Variants in TLN2 observed in about 807,000 individuals in gnomAD.
TLN2 encodes talin 2.
Under a neutral mutation model 294.7 loss-of-function variants are expected in TLN2, and 118 were observed. The ratio of observed to expected loss-of-function variants is 0.40; its 90% CI spans 0.34 to 0.47. The LOEUF (loss-of-function observed/expected upper bound fraction) is 0.47, where lower values mean the gene tolerates loss of function less well. TLN2 is among the 20% of genes least tolerant of loss of function. The pLI is 0.84. For missense variants in TLN2, 3,083 were observed against 3,282.2 expected, an observed-to-expected ratio of 0.94 and a Z score of 1.48; for synonymous variants, 1,431 against 1,304.5, an observed-to-expected ratio of 1.10 and a Z score of -2.09.
chr15:62,528,649 C>G (rs1031333868), intron 1 of TLN2, among the ~76,000 whole-genome samples: 2 of 139,390 alleles, frequency 1.4e-5, no homozygotes, highest in Non-Finnish European at 3.0e-5. Flanking sequence ...GACAGCCCTT[C>G]TTGAGTGTAT....
At position 62,716,372 on chromosome 15, in the gene TLN2, G is replaced by T; in HGVS notation, c.2676G>T (p.Arg892Ser). ...CAGAGAATGAGGACCAGCAGCAAAG[G>T]CTGAGAGAAGCTGCAGAAGGCCTCC... ...ANPENEDQQQ[R>S]LREAAEGLRV... is the part of the protein sequence containing the mutation. The change falls in exon 23 of 59, where the codon AGG becomes AGT. Residue 892 changes from arginine to serine, a missense_variant. Coordinates refer to ENST00000636159, the MANE Select transcript of TLN2 (RefSeq NM_015059.3). 1.2e-6 allele frequency: 2 copies of T among 1,610,778 alleles called. No homozygotes were observed. Among genetic ancestry groups the T allele is most frequent in the Non-Finnish European group, 1.7e-6 (2 of 1,178,708 alleles).
At chr15:62,397,483 C>T (rs535847584) in intron 1 of TLN2, among the ~76,000 whole-genome samples, 8 of 152,222 alleles carry the variant, frequency 5.3e-5, no homozygotes, top group East Asian at 3.9e-4. Flanking sequence ...AGAGTGGTCT[C>T]GAACTCCTGA....
At chr15:62,726,982 G>C in intron 27 of TLN2, 105 bp from the exon 28 acceptor site, 1 of 1,184,054 alleles carries the variant, frequency 8.4e-7, no homozygotes, top group Admixed American at 2.1e-5. Context: ...GTGGGAAAGA[G>C]CTAGGGCTCA....
At chr15:62,799,250 A>G (rs1046748162) in intron 48 of TLN2, among the ~76,000 whole-genome samples, 11 of 152,310 alleles carry the variant, frequency 7.2e-5, no homozygotes, top group African/African-American at 2.6e-4. Context: ...TTCCCACTCG[A>G]AAAGGCAGTG....
At chr15:62,656,866 G>A (rs2053269054) in intron 8 of TLN2, among the ~76,000 whole-genome samples, 1 of 152,154 alleles carries the variant, frequency 6.6e-6, no homozygotes. Context: ...TATCTTCTGT[G>A]GCTGTTCTCG....
Position 62,537,258 on chromosome 15 carries a change from G to A in TLN2, c.-237-52429G>A, listed in dbSNP as rs184012525. ...TGATCTCGATCTGACCTCGTGATCC[G>A]CCCACCTCTGCCTCCCAAAGTGCTG... On this transcript the variant is annotated intron_variant, in intron 1 of 58. Transcript: ENST00000636159. 9.9e-5 allele frequency among the ~76,000 whole-genome samples: 15 copies of A among 152,056 alleles called. 1 individual carries two copies. The East Asian group carries it at 2.7e-3, about 28-fold the overall frequency.
At chr15:62,563,061 T>C (rs1438236472) in intron 1 of TLN2, among the ~76,000 whole-genome samples, 1 of 152,148 alleles carries the variant, frequency 6.6e-6, no homozygotes, top group Non-Finnish European at 1.5e-5. Flanking sequence ...AACATGCATG[T>C]ATAAGTATTT....
chr15:62,784,822 A>G (rs2064505122), intron 45 of TLN2: 2 of 152,134 alleles, frequency 1.3e-5, no homozygotes, highest in Non-Finnish European at 2.9e-5. Flanking sequence ...TCCTAAATGA[A>G]CTGAGTTGTC....
intron 1 of TLN2, among the ~76,000 whole-genome samples, chr15:62,471,224 C>G (rs773186097): frequency 2.6e-5 from 4 of 152,128 alleles, no homozygotes; most frequent in Non-Finnish European, 4.4e-5. Context: ...GTAGTCCCAG[C>G]TACTCGGGGG....
chr15:62,573,351 C>T (rs982982033), intron 1 of TLN2, among the ~76,000 whole-genome samples: 2 of 152,118 alleles, frequency 1.3e-5, no homozygotes, highest in African/African-American at 4.8e-5. Context: ...CCTCTGCCCT[C>T]CCACTGGCCC....
intron 1 of TLN2, among the ~76,000 whole-genome samples, chr15:62,485,015 C>A (rs1041514642): frequency 6.6e-6 from 1 of 152,308 alleles, no homozygotes; most frequent in African/African-American, 2.4e-5. Flanking sequence ...TTTACAGCTT[C>A]TAGCGGCAGC....
chr15:62,401,502 G>A (rs991950134), intron 1 of TLN2, among the ~76,000 whole-genome samples: 4 of 152,174 alleles, frequency 2.6e-5, no homozygotes, highest in Non-Finnish European at 5.9e-5. Flanking sequence ...CGCTTTGCAG[G>A]ATGGGTTTCT....
chr15:62,766,467 C>A (rs1476045736), intron 41 of TLN2, 45 bp downstream of exon 41: 1 of 1,548,078 alleles, frequency 6.5e-7, no homozygotes, highest in South Asian at 1.1e-5. Flanking sequence ...CGTGTTATCA[C>A]AGGAGAGAGG....
At chr15:62,662,840 T>TTTTGG in intron 9 of TLN2, among the ~76,000 whole-genome samples, 1 of 148,942 alleles carries the variant, frequency 6.7e-6, no homozygotes, top group Non-Finnish European at 1.5e-5. Context: ...TTTTTTTTTT[T>TTTTGG]GGAGACAGAG....
intron 19 of TLN2, among the ~76,000 whole-genome samples, chr15:62,706,081 T>TTAG (rs2059044720): frequency 6.6e-6 from 1 of 152,244 alleles, no homozygotes; most frequent in Admixed American, 6.5e-5. Flanking sequence ...CCCTTTACAT[T>TTAG]TAGAATCAAA....
Position 62,738,195 on chromosome 15 carries a change from T to C in TLN2, c.3568-19T>C, listed in dbSNP as rs1377670765. ...AAATGTTTGTACTTAAAGGTGCTTC[T>C]CTCTCTCCACGAATTCAGGTGGCTA... On this transcript the variant is annotated intron_variant, in intron 29 of 58. Transcript: ENST00000636159. 1.2e-6 allele frequency: 2 copies of C among 1,612,794 alleles called. No individual in the cohort carries two copies. Among genetic ancestry groups the C allele is most frequent in the African/African-American group, 2.7e-5 (2 of 74,912 alleles).
intron 52 of TLN2, among the ~76,000 whole-genome samples, chr15:62,812,188 C>T (rs760613088): frequency 2.0e-5 from 3 of 152,110 alleles, no homozygotes; most frequent in Non-Finnish European, 2.9e-5. Context: ...TATTTTTTCT[C>T]TCTCGTGCTT....
chr15:62,761,842 C>T (rs778157435), intron 38 of TLN2, 21 bp downstream of exon 38: 1 of 1,613,914 alleles, frequency 6.2e-7, no homozygotes, highest in Non-Finnish European at 8.5e-7. Flanking sequence ...TTTACAGGAA[C>T]ATCATACTAA....
chr15:62,538,504 A>G (rs2041491168), intron 1 of TLN2, among the ~76,000 whole-genome samples: 2 of 152,228 alleles, frequency 1.3e-5, no homozygotes, highest in South Asian at 2.1e-4. Flanking sequence ...TTCAGGTTGT[A>G]TAGCAGAAAG....
Sources: allele counts gnomAD v4.1 joint callset (sites outside exome capture counted in the v4.1 genomes callset), GRCh38; gene constraint gnomAD v4.1.1; transcripts MANE v1.5; gene names NCBI Gene and HGNC (gene_info 2026-07-23, HGNC 2026-07-21).